Variants in TRIM9 observed in about 807,000 individuals in gnomAD.
The protein encoded by TRIM9 is tripartite motif containing 9.
A neutral mutation model predicts 78.3 loss-of-function variants in TRIM9; 26 were observed. That is an observed-to-expected ratio of 0.33 (90% CI 0.24 to 0.46). The LOEUF (loss-of-function observed/expected upper bound fraction) is 0.46. TRIM9 is among the 20% of genes least tolerant of loss of function. TRIM9 has a pLI of 1.00. For missense variants in TRIM9, 787 were observed against 1,036.4 expected (o/e 0.76, Z 3.30); for synonymous variants, 398 against 416.5 (o/e 0.96, Z 0.54).
chr14:51,038,036 C>T (rs1220971647), intron 1 of TRIM9, among the ~76,000 whole-genome samples: 1 of 152,116 alleles, frequency 6.6e-6, no homozygotes, highest in South Asian at 2.1e-4. Flanking sequence ...AAATAATGGT[C>T]CTCTAAAATG....
At chr14:51,076,329 G>A (rs2062779913) in intron 1 of TRIM9, among the ~76,000 whole-genome samples, 1 of 152,192 alleles carries the variant, frequency 6.6e-6, no homozygotes, top group Non-Finnish European at 1.5e-5. Context: ...TCAACCCCTT[G>A]CTAGAGATTT....
chr14:51,050,149 T>G, intron 1 of TRIM9, among the ~76,000 whole-genome samples: 1 of 152,228 alleles, frequency 6.6e-6, no homozygotes, highest in East Asian at 1.9e-4. Context: ...CAGAAGACTG[T>G]ATTTTCCAAA....
intron 3 of TRIM9, among the ~76,000 whole-genome samples, chr14:51,016,296 G>A (rs1006080767): frequency 2.8e-4 from 43 of 152,142 alleles, no homozygotes; most frequent in African/African-American, 1.0e-3. Flanking sequence ...CACAGCAGGA[G>A]GTGAGCGGCG....
chr14:51,071,393 A>G (rs1596309520), intron 1 of TRIM9, among the ~76,000 whole-genome samples: 2 of 151,318 alleles, frequency 1.3e-5, no homozygotes, highest in Non-Finnish European at 1.5e-5. Flanking sequence ...AAAAGAAAAA[A>G]AAAAAAAAAA....
intron 1 of TRIM9, among the ~76,000 whole-genome samples, chr14:51,055,878 A>G (rs1020604430): frequency 6.6e-6 from 1 of 152,238 alleles, no homozygotes; most frequent in Non-Finnish European, 1.5e-5. Context: ...TTGAAGTTAC[A>G]ATATTTATGT....
At chr14:51,078,657 T>C (rs908919819) in intron 1 of TRIM9, among the ~76,000 whole-genome samples, 1 of 152,142 alleles carries the variant, frequency 6.6e-6, no homozygotes, top group Non-Finnish European at 1.5e-5. Flanking sequence ...TACAACGATA[T>C]TGTATGATAT....
At chr14:51,000,988 C>T (rs1358189449) in intron 5 of TRIM9, 148 bp from the exon 6 acceptor site, 2 of 910,998 alleles carry the variant, frequency 2.2e-6, no homozygotes, top group East Asian at 2.6e-5. Flanking sequence ...TTCACAGAGT[C>T]CCCAGGAGTC....
chr14:51,083,587 G>A (rs114769768), intron 1 of TRIM9, among the ~76,000 whole-genome samples: 3,283 of 152,210 alleles, frequency 0.022, 131 homozygotes, highest in African/African-American at 0.073. Flanking sequence ...TTCTTCACAC[G>A]TCTGTGGAGT....
At chr14:50,982,551 C>T (rs538700869) in intron 10 of TRIM9, 9 of 307,570 alleles carry the variant, frequency 2.9e-5, no homozygotes, top group South Asian at 2.3e-4. Context: ...AATATCCCTT[C>T]GGCAGAAGTG....
intron 8 of TRIM9, 148 bp from the exon 9 acceptor site, chr14:50,983,569 G>C: frequency 2.1e-6 from 1 of 479,820 alleles, no homozygotes; most frequent in Non-Finnish European, 3.5e-6. Context: ...TATTTAGTTT[G>C]TTGGGTAAAA....
chr14:51,023,249 A>G (rs928711033), intron 2 of TRIM9, among the ~76,000 whole-genome samples: 3 of 152,204 alleles, frequency 2.0e-5, no homozygotes, highest in African/African-American at 7.2e-5. Context: ...AGAGTTGTTT[A>G]TGAATGTTTT....
At chr14:50,985,877 G>A (rs1443271731) in intron 8 of TRIM9, 79 bp downstream of exon 8, 1 of 1,274,846 alleles carries the variant, frequency 7.8e-7, no homozygotes, top group Non-Finnish European at 1.0e-6. Flanking sequence ...GCACATGAAT[G>A]GCAAGAACAA....
At chr14:51,083,636 A>C (rs1380847450) in intron 1 of TRIM9, among the ~76,000 whole-genome samples, 1 of 148,608 alleles carries the variant, frequency 6.7e-6, no homozygotes, top group African/African-American at 2.5e-5. Flanking sequence ...TCAAAAAGTA[A>C]GAGAAGGAAA....
At chr14:50,982,331 G>C in intron 10 of TRIM9, 1 of 574,670 alleles carries the variant, frequency 1.7e-6, no homozygotes, top group East Asian at 2.9e-5. Context: ...ACCTGGCTCA[G>C]ACTGCACTCC....
intron 1 of TRIM9, among the ~76,000 whole-genome samples, chr14:51,088,409 G>C (rs560441630): frequency 2.0e-5 from 3 of 152,330 alleles, no homozygotes; most frequent in Admixed American, 2.0e-4. Flanking sequence ...TCAGAATGGA[G>C]AGTCTCAAAC....
At chr14:51,050,774 C>T (rs2060352360) in intron 1 of TRIM9, among the ~76,000 whole-genome samples, 2 of 152,106 alleles carry the variant, frequency 1.3e-5, no homozygotes, top group South Asian at 4.1e-4. Flanking sequence ...CTCTTCCTTT[C>T]CCTCTCCTTT....
At chr14:51,047,238 A>G (rs1021663734) in intron 1 of TRIM9, among the ~76,000 whole-genome samples, 1 of 152,180 alleles carries the variant, frequency 6.6e-6, no homozygotes, top group South Asian at 2.1e-4. Context: ...AGCAACTCCA[A>G]TGTCATCTTT....
chr14:51,046,325 AAC>A (rs746064618), intron 1 of TRIM9, among the ~76,000 whole-genome samples: 53 of 152,236 alleles, frequency 3.5e-4, no homozygotes, highest in Non-Finnish European at 7.3e-4. Context: ...ACTCTCTCTC[AAC>A]ACACACATGC....
chr14:51,025,995 AC>A (rs1246304371), intron 1 of TRIM9, among the ~76,000 whole-genome samples: 1 of 151,590 alleles, frequency 6.6e-6, no homozygotes, highest in Non-Finnish European at 1.5e-5. Flanking sequence ...TTCCCACACC[AC>A]CCCATCCATA....
Sources: allele counts gnomAD v4.1 joint callset (sites outside exome capture counted in the v4.1 genomes callset), GRCh38; gene constraint gnomAD v4.1.1; transcripts MANE v1.5; gene names NCBI Gene and HGNC (gene_info 2026-07-23, HGNC 2026-07-21).